The following CSMD1 variants were observed in gnomAD, a reference collection of about 807,000 sequenced individuals.
CSMD1 encodes CUB and sushi domain-containing protein 1.
CSMD1 carries 213 observed loss-of-function variants against 417.5 expected under a neutral mutation model. That is an observed-to-expected ratio of 0.51 (90% CI 0.46 to 0.57). The LOEUF is 0.57. CSMD1 is among the 20% of genes least tolerant of loss of function. The probability of loss-of-function intolerance (pLI) is 0.00; values close to 1 mark genes in which losing one functional copy is unlikely to be tolerated. For missense variants in CSMD1, 6,923 were observed against 4,529.7 expected, an observed-to-expected ratio of 1.53 and a Z score of -15.17; for synonymous variants, 2,862 against 1,736.8, an observed-to-expected ratio of 1.65 and a Z score of -16.11.
chr8:3,491,964 G>C (rs145123912), intron 11 of CSMD1, among the ~76,000 whole-genome samples: 1 of 152,108 alleles, frequency 6.6e-6, no homozygotes, highest in Non-Finnish European at 1.5e-5. Flanking sequence ...CAGAGGTCCC[G>C]GCCTCCACCC....
intron 1 of CSMD1, among the ~76,000 whole-genome samples, chr8:4,844,902 G>C (rs972159221): frequency 6.6e-6 from 1 of 152,078 alleles, no homozygotes; most frequent in Non-Finnish European, 1.5e-5. Flanking sequence ...GTATACAAGA[G>C]TATGGTTTTA....
intron 10 of CSMD1, among the ~76,000 whole-genome samples, chr8:3,538,257 T>C (rs1175587161): frequency 6.6e-6 from 1 of 152,248 alleles, no homozygotes; most frequent in Non-Finnish European, 1.5e-5. Context: ...ATGCCTCACC[T>C]GAGATGCTTC....
intron 6 of CSMD1, among the ~76,000 whole-genome samples, chr8:3,735,153 C>G (rs565679596): frequency 6.6e-6 from 1 of 152,210 alleles, no homozygotes; most frequent in Non-Finnish European, 1.5e-5. Flanking sequence ...TCAGCTGATA[C>G]ATTCCCAAGT....
chr8:4,483,811 G>A (rs778377157), intron 2 of CSMD1, among the ~76,000 whole-genome samples: 31 of 152,152 alleles, frequency 2.0e-4, no homozygotes, highest in Non-Finnish European at 4.0e-4. Context: ...GTTGGTTTGT[G>A]AAGGTTTCAA....
At chr8:4,599,340 G>C (rs980129939) in intron 2 of CSMD1, among the ~76,000 whole-genome samples, 2 of 151,844 alleles carry the variant, frequency 1.3e-5, no homozygotes, top group Admixed American at 6.6e-5. Context: ...CTTAACCCCA[G>C]AATAGCATGG....
At chr8:4,561,694 A>T (rs1426578814) in intron 2 of CSMD1, among the ~76,000 whole-genome samples, 1 of 152,224 alleles carries the variant, frequency 6.6e-6, no homozygotes, top group East Asian at 1.9e-4. Context: ...GAAGAAAAAA[A>T]GAGAGACAGA....
At chr8:4,596,562 AT>A (rs773260476) in intron 2 of CSMD1, among the ~76,000 whole-genome samples, 163 of 151,444 alleles carry the variant, frequency 1.1e-3, no homozygotes, top group Non-Finnish European at 1.9e-3. Flanking sequence ...TAAAAAAAAA[AT>A]AATTAATAAT....
chr8:3,045,548 T>C (rs1811380339), intron 50 of CSMD1, among the ~76,000 whole-genome samples: 1 of 152,200 alleles, frequency 6.6e-6, no homozygotes. Context: ...TTAGGCCTTG[T>C]CCTTAAAGCC....
chr8:4,770,945 A>G (rs1402220017), intron 1 of CSMD1, among the ~76,000 whole-genome samples: 1 of 152,172 alleles, frequency 6.6e-6, no homozygotes, highest in African/African-American at 2.4e-5. Flanking sequence ...AGAACAAACA[A>G]TAAATAAATG....
intron 10 of CSMD1, among the ~76,000 whole-genome samples, chr8:3,548,246 C>T (rs552660746): frequency 1.3e-5 from 2 of 152,142 alleles, no homozygotes; most frequent in African/African-American, 2.4e-5. Context: ...CCAGTTCTGC[C>T]CTTCCTCACT....
chr8:4,690,758 CTCACTCTG>C (rs1806715511), intron 1 of CSMD1, among the ~76,000 whole-genome samples: 1 of 152,128 alleles, frequency 6.6e-6, no homozygotes, highest in South Asian at 2.1e-4. Flanking sequence ...GAGACAGAAT[CTCACTCTG>C]TCACCAGGCT....
At chr8:4,120,140 T>A (rs1009001791) in intron 3 of CSMD1, among the ~76,000 whole-genome samples, 3 of 152,184 alleles carry the variant, frequency 2.0e-5, no homozygotes, top group African/African-American at 7.2e-5. Flanking sequence ...ACACATCGCA[T>A]GCCTGTATCA....
At chr8:4,105,762 C>G (rs537709359) in intron 3 of CSMD1, among the ~76,000 whole-genome samples, 1 of 152,324 alleles carries the variant, frequency 6.6e-6, no homozygotes, top group East Asian at 1.9e-4. Flanking sequence ...AAGCTTATTT[C>G]TCACTGAAGA....
chr8:3,284,852 C>T (rs1803027885), intron 25 of CSMD1, among the ~76,000 whole-genome samples: 1 of 152,176 alleles, frequency 6.6e-6, no homozygotes, highest in Non-Finnish European at 1.5e-5. Flanking sequence ...TTGTGTTGTA[C>T]TTCTTTCTAA....
intron 5 of CSMD1, among the ~76,000 whole-genome samples, chr8:3,922,161 A>C (rs1484136157): frequency 6.6e-6 from 1 of 152,012 alleles, no homozygotes; most frequent in Non-Finnish European, 1.5e-5. Flanking sequence ...TTTTTGCCTA[A>C]TGTCTATTTT....
At chr8:3,705,044 C>G (rs962982220) in intron 7 of CSMD1, among the ~76,000 whole-genome samples, 1 of 152,198 alleles carries the variant, frequency 6.6e-6, no homozygotes, top group African/African-American at 2.4e-5. Flanking sequence ...ATCACCATGA[C>G]AGGGTCCCAC....
chr8:3,859,058 T>G (rs547294235), intron 5 of CSMD1, among the ~76,000 whole-genome samples: 1 of 152,298 alleles, frequency 6.6e-6, no homozygotes, highest in South Asian at 2.1e-4. Context: ...TTTACATTAT[T>G]CATGTGTTAT....
intron 1 of CSMD1, among the ~76,000 whole-genome samples, chr8:4,904,265 G>T (rs112414861): frequency 6.6e-6 from 1 of 152,074 alleles, no homozygotes; most frequent in Non-Finnish European, 1.5e-5. Flanking sequence ...CCTTAACTGT[G>T]GATTTTAGGA....
intron 7 of CSMD1, among the ~76,000 whole-genome samples, chr8:3,622,701 G>A (rs955291803): frequency 4.6e-5 from 7 of 152,206 alleles, no homozygotes; most frequent in Non-Finnish European, 8.8e-5. Flanking sequence ...TGAAACAGAG[G>A]GAGTTGTTTC....
Sources: allele counts gnomAD v4.1 joint callset (sites outside exome capture counted in the v4.1 genomes callset), GRCh38; gene constraint gnomAD v4.1.1; transcripts MANE v1.5; gene names NCBI Gene and HGNC (gene_info 2026-07-23, HGNC 2026-07-21).